Variants in DPY19L2 observed in about 807,000 individuals in gnomAD.
DPY19L2 encodes the protein dpy-19 like 2, also known as probable C-mannosyltransferase DPY19L2.
In DPY19L2, 34 loss-of-function variants were observed where a neutral mutation model predicts 97.9. The ratio of observed to expected loss-of-function variants is 0.35; its 90% CI spans 0.26 to 0.46. DPY19L2 has a LOEUF of 0.46. Among genes scored for constraint, DPY19L2 ranks in the 20% least tolerant of loss-of-function variants. The probability of loss-of-function intolerance (pLI) is 1.00; values close to 1 mark genes in which losing one functional copy is unlikely to be tolerated. For missense variants in DPY19L2, 623 were observed against 911.4 expected (o/e 0.68, Z 4.07); for synonymous variants, 230 against 307.9 (o/e 0.75, Z 2.65).
intron 9 of DPY19L2, 137 bp from the exon 10 acceptor site, chr12:63,618,365 C>T (rs1888167659): frequency 2.8e-6 from 1 of 359,874 alleles, no homozygotes; most frequent in African/African-American, 2.1e-5. Context: ...AACCTTCCCA[C>T]TAAGAACTAG....
chr12:63,565,036 A>G (rs1877382831), intron 21 of DPY19L2, among the ~76,000 whole-genome samples: 1 of 152,186 alleles, frequency 6.6e-6, no homozygotes, highest in South Asian at 2.1e-4. Flanking sequence ...TTACAGTCAC[A>G]CCAGCTTTCA....
chr12:63,604,893 A>G (rs1259196774), intron 12 of DPY19L2, among the ~76,000 whole-genome samples: 4 of 152,128 alleles, frequency 2.6e-5, no homozygotes, highest in Non-Finnish European at 4.4e-5. Context: ...CATTCTTGCT[A>G]TGATGAGTGG....
At chr12:63,565,120 T>C (rs1189858451) in intron 21 of DPY19L2, among the ~76,000 whole-genome samples, 3 of 152,208 alleles carry the variant, frequency 2.0e-5, no homozygotes, top group Non-Finnish European at 2.9e-5. Flanking sequence ...TATATTTAAG[T>C]AAATTTCTTG....
In DPY19L2 at chr12:63,665,300, C is replaced by T. The variant is rs149287360; in HGVS notation, c.362+535G>A. On this transcript the variant is annotated intron_variant, in intron 2 of 21. Coordinates refer to ENST00000324472, the MANE Select transcript of DPY19L2 (RefSeq NM_173812.5). ...CAGTCTGGCCAACATGGTGAAACCT[C>T]GTCTCCACCAAAAATACAACAAATT... is the stretch of plus-strand genomic sequence containing the variant. Among the ~76,000 whole-genome samples the T allele has an allele frequency of 4.3e-3, 652 of 152,050 alleles. 3 individuals carry two copies. The highest frequency in any genetic ancestry group is 0.015 in the African/African-American group (633 of 41,452).
chr12:63,618,707 C>T (rs1161468081), intron 9 of DPY19L2, among the ~76,000 whole-genome samples: 2 of 152,134 alleles, frequency 1.3e-5, no homozygotes, highest in African/African-American at 4.8e-5. Context: ...CTCAGAAAGA[C>T]TGAAACCCAT....
intron 13 of DPY19L2, among the ~76,000 whole-genome samples, chr12:63,598,379 T>G (rs1884602048): frequency 6.6e-6 from 1 of 152,190 alleles, no homozygotes; most frequent in South Asian, 2.1e-4. Flanking sequence ...TATAGACATA[T>G]ATTCAAACCA....
intron 6 of DPY19L2, among the ~76,000 whole-genome samples, chr12:63,640,886 T>G (rs1182252459): frequency 2.0e-5 from 3 of 152,152 alleles, no homozygotes; most frequent in South Asian, 4.1e-4. Flanking sequence ...TTTATTCATT[T>G]ATTTATTGAT....
At chr12:63,570,261 T>C (rs12321071) in intron 20 of DPY19L2, among the ~76,000 whole-genome samples, 7,380 of 152,232 alleles carry the variant, frequency 0.048, 521 homozygotes, top group African/African-American at 0.17. Context: ...AAAAATACTC[T>C]AAATTTTCAT....
Position 63,559,108 on chromosome 12 carries a change from G to T in DPY19L2, c.*1404C>A, listed in dbSNP as rs1029031926. 6.6e-6 allele frequency: 1 copy of T among 151,868 alleles called. No homozygotes were observed. Among genetic ancestry groups the T allele is most frequent in the Non-Finnish European group, 1.5e-5 (1 of 67,966 alleles). 9.4% of individuals were successfully genotyped at this position (151,868 alleles called of 1,614,324 possible). A position where few individuals can be genotyped will look rare whatever the true frequency, so the allele number is the denominator to read the frequency against. On this transcript the variant is annotated 3_prime_UTR_variant, in exon 22 of 22. Transcript: ENST00000324472. ...AGGTGTTATGTCTCTTTTCTTTGAC[G>T]CTCTCCTTTTTTATCCTGTGCTTAC...
chr12:63,641,975 T>C (rs1414145839), intron 6 of DPY19L2, among the ~76,000 whole-genome samples: 2 of 152,168 alleles, frequency 1.3e-5, no homozygotes, highest in Admixed American at 6.5e-5. Context: ...TATTTCACTG[T>C]GGTTTGAATT....
chr12:63,633,836 G>C (rs1177733183), intron 6 of DPY19L2, among the ~76,000 whole-genome samples: 5 of 152,232 alleles, frequency 3.3e-5, no homozygotes, highest in African/African-American at 4.8e-5. Flanking sequence ...ATGATAGACT[G>C]GATTAAGAAA....
intron 4 of DPY19L2, among the ~76,000 whole-genome samples, chr12:63,654,745 G>A (rs1476601125): frequency 6.6e-6 from 1 of 152,062 alleles, no homozygotes; most frequent in Non-Finnish European, 1.5e-5. Flanking sequence ...GGAAGAAAAA[G>A]TCATCGTTAA....
At chr12:63,621,597 T>C (rs1237990565) in intron 8 of DPY19L2, among the ~76,000 whole-genome samples, 1 of 152,192 alleles carries the variant, frequency 6.6e-6, no homozygotes, top group Non-Finnish European at 1.5e-5. Flanking sequence ...CTCTTTTTCC[T>C]CTACATATGC....
intron 16 of DPY19L2, among the ~76,000 whole-genome samples, chr12:63,591,859 G>A (rs1275395705): frequency 4.0e-5 from 6 of 150,126 alleles, no homozygotes; most frequent in East Asian, 2.0e-4. Flanking sequence ...TGAGATGATC[G>A]CGTGAGTCCG....
intron 6 of DPY19L2, among the ~76,000 whole-genome samples, chr12:63,635,425 G>A (rs534656612): frequency 5.3e-5 from 8 of 152,276 alleles, no homozygotes; most frequent in Non-Finnish European, 8.8e-5. Flanking sequence ...AGCAAAGCTG[G>A]AAGGAGAATG....
In DPY19L2 at chr12:63,668,450, C is replaced by A; in HGVS notation, c.-57G>T. 6.7e-7 allele frequency: 1 copy of A among 1,494,784 alleles called. No individual in the cohort carries two copies. The highest frequency in any genetic ancestry group is 8.9e-7 in the Non-Finnish European group (1 of 1,121,492). 92.6% of individuals were successfully genotyped at this position (1,494,784 alleles called of 1,614,324 possible). On this transcript the variant is annotated 5_prime_UTR_variant, in exon 1 of 22. Transcript: ENST00000324472. Reference sequence around the variant, plus strand: ...TCAGGCACAGCCCAGCCGAGTCAGGCGAGGTCCAGAGAGACCTGACTCGCC... The same window carrying A: ...TCAGGCACAGCCCAGCCGAGTCAGGAGAGGTCCAGAGAGACCTGACTCGCC...
intron 11 of DPY19L2, among the ~76,000 whole-genome samples, chr12:63,616,785 T>A (rs1212689765): frequency 6.6e-6 from 1 of 152,150 alleles, no homozygotes. Context: ...AAATAATCGG[T>A]CTTATGACTT....
intron 21 of DPY19L2, among the ~76,000 whole-genome samples, chr12:63,562,292 T>C (rs1029859395): frequency 4.6e-5 from 7 of 152,174 alleles, no homozygotes; most frequent in Non-Finnish European, 1.0e-4. Flanking sequence ...TTCTTTTTTG[T>C]CTGGCTTCTT....
chr12:63,576,014 C>A (rs754322321), intron 19 of DPY19L2, among the ~76,000 whole-genome samples: 1 of 151,918 alleles, frequency 6.6e-6, no homozygotes, highest in Non-Finnish European at 1.5e-5. Context: ...GGGCCAAAAT[C>A]TCTGATTAAT....
Sources: allele counts gnomAD v4.1 joint callset (sites outside exome capture counted in the v4.1 genomes callset), GRCh38; gene constraint gnomAD v4.1.1; transcripts MANE v1.5; gene names NCBI Gene and HGNC (gene_info 2026-07-23, HGNC 2026-07-21).